TEX9: variants seen among roughly 807,000 people sequenced by gnomAD.
TEX9 encodes the protein testis-expressed protein 9.
A neutral mutation model predicts 59.6 loss-of-function variants in TEX9; 74 were observed. That is an observed-to-expected ratio of 1.24 (90% CI 1.03 to 1.51). TEX9 has a LOEUF of 1.51. TEX9 is among the 40% of genes most tolerant of loss of function. The pLI is 0.00. For missense variants in TEX9, 522 were observed against 447.8 expected (o/e 1.17, Z -1.49); for synonymous variants, 186 against 152.2 (o/e 1.22, Z -1.64).
intron 1 of TEX9, among the ~76,000 whole-genome samples, chr15:56,315,887 T>A (rs1447169082): frequency 6.6e-6 from 1 of 150,750 alleles, no homozygotes; most frequent in Non-Finnish European, 1.5e-5. Flanking sequence ...CCTTCTAGCT[T>A]CATTTTATTC....
intron 12 of TEX9, chr15:56,428,578 C>T: frequency 3.3e-6 from 2 of 607,268 alleles, no homozygotes; most frequent in South Asian, 6.2e-5. Context: ...CAAAGAATTC[C>T]CTTTTTAGAT....
At chr15:56,451,525 C>G in the TEX9 span, among the ~76,000 whole-genome samples, 1 of 152,178 alleles carries the variant, frequency 6.6e-6, no homozygotes, top group Non-Finnish European at 1.5e-5. Context: ...GGAGGAGAGA[C>G]AGGAGCTGGG....
intron 6 of TEX9, among the ~76,000 whole-genome samples, chr15:56,389,705 T>A (rs561492519): frequency 1.7e-4 from 25 of 150,642 alleles, no homozygotes; most frequent in African/African-American, 5.1e-4. Flanking sequence ...GTTTTTTTTT[T>A]AATCTCTGCC....
Position 56,427,628 on chromosome 15 carries a change from A to AAAAATTG in TEX9, c.990_996dup (p.Val333AsnfsTer2), listed in dbSNP as rs761929974. ...AGGACATAGCAAATGAAGAACACAA[A>AAAAATTG]AAAATTGAAGTGTTAAAATCAGAAA... On this transcript the variant is annotated frameshift_variant, in exon 11 of 13. Coordinates refer to ENST00000352903, the Ensembl canonical transcript of TEX9. LOFTEE classifies it high-confidence loss of function. The AAAAATTG allele has an allele frequency of 1.3e-6, 2 of 1,542,434 alleles. No individual in the cohort carries two copies. The highest frequency in any genetic ancestry group is 4.7e-5 in the East Asian group (2 of 42,340).
chr15:56,433,536 T>G (rs1271055265), intron 12 of TEX9, among the ~76,000 whole-genome samples: 2 of 152,204 alleles, frequency 1.3e-5, no homozygotes, highest in Non-Finnish European at 2.9e-5. Flanking sequence ...TTCCGTATCC[T>G]TAACATCTCT....
At chr15:56,460,009 A>AAAAAAAAAAAAAAAATATATATATAT in the TEX9 span, among the ~76,000 whole-genome samples, 3 of 26,384 alleles carry the variant, frequency 1.1e-4, no homozygotes, top group South Asian at 1.5e-3. Context: ...AAAAAAAAAA[A>AAAAAAAAAAAAAAAATATATATATAT]ATACATATAT....
chr15:56,458,402 T>C, the TEX9 span, among the ~76,000 whole-genome samples: 1 of 152,196 alleles, frequency 6.6e-6, no homozygotes, highest in African/African-American at 2.4e-5. Context: ...ATCAGCCTCC[T>C]CCATTAGACT....
chr15:56,303,318 G>A (rs1456856678), intron 1 of TEX9, among the ~76,000 whole-genome samples: 1 of 152,090 alleles, frequency 6.6e-6, no homozygotes, highest in Non-Finnish European at 1.5e-5. Context: ...CACAAAACAC[G>A]TCTTTAAAAA....
chr15:56,360,437 A>G (rs1216922366), upstream of TEX9, among the ~76,000 whole-genome samples: 1 of 152,084 alleles, frequency 6.6e-6, no homozygotes, highest in Non-Finnish European at 1.5e-5. Context: ...GAGTTTTGGT[A>G]GTTTGTATCT....
At chr15:56,357,263 T>C (rs2046702236) in intron 1 of TEX9, among the ~76,000 whole-genome samples, 1 of 152,302 alleles carries the variant, frequency 6.6e-6, no homozygotes, top group Non-Finnish European at 1.5e-5. Flanking sequence ...CAAATTCTGC[T>C]AATTATTTTA....
intron 12 of TEX9, chr15:56,431,650 A>C (rs2050600157): frequency 1.8e-6 from 1 of 566,294 alleles, no homozygotes; most frequent in Admixed American, 3.9e-5. Flanking sequence ...TATTTTTAAA[A>C]TATATATTTT....
At position 56,389,228 on chromosome 15, in the gene TEX9, G is replaced by A. The variant is rs180670738; in HGVS notation, c.313-90G>A. On this transcript the variant is annotated intron_variant, in intron 5 of 12. Coordinates refer to ENST00000352903, the Ensembl canonical transcript of TEX9. ...GAAAATAGCAAATAGCAGTTTTTCTGTGTAGCAAAATTCTATGTGTTACAG... is the reference window on the plus strand; with the variant it reads ...GAAAATAGCAAATAGCAGTTTTTCTATGTAGCAAAATTCTATGTGTTACAG... 2.7e-4 allele frequency: 264 copies of A among 991,214 alleles called. 1 individual carries two copies. In the African/African-American group the frequency reaches 4.0e-3, roughly 15 times the overall value. The allele number at this position is 991,214 out of a possible 1,614,324, so 61.4% of individuals were successfully genotyped here.
At chr15:56,394,746 A>C in exon 9 of TEX9, 2 of 1,612,428 alleles carry the variant, frequency 1.2e-6, no homozygotes, top group Non-Finnish European at 1.7e-6. Flanking sequence ...AATATGCAAC[A>C]GTCTCAAGTA....
intron 1 of TEX9, among the ~76,000 whole-genome samples, chr15:56,280,779 A>G (rs1301275734): frequency 6.6e-6 from 1 of 152,244 alleles, no homozygotes; most frequent in Non-Finnish European, 1.5e-5. Flanking sequence ...AATCATTTAA[A>G]TTCTCAAGCC....
At chr15:56,316,984 A>G (rs1486553192) in intron 1 of TEX9, among the ~76,000 whole-genome samples, 2 of 152,184 alleles carry the variant, frequency 1.3e-5, no homozygotes, top group African/African-American at 4.8e-5. Context: ...TTCCCAAGTG[A>G]GGCAATGCCT....
At chr15:56,457,947 T>C in the TEX9 span, among the ~76,000 whole-genome samples, 418 of 152,294 alleles carry the variant, frequency 2.7e-3, 4 homozygotes, top group African/African-American at 9.6e-3. Context: ...TTATTCATAA[T>C]AGCCAATACC....
chr15:56,339,398 A>AAAAAAAAAAC (rs2046325947), intron 1 of TEX9, among the ~76,000 whole-genome samples: 1 of 64,058 alleles, frequency 1.6e-5, no homozygotes, highest in South Asian at 4.7e-4. Flanking sequence ...AAAAAAAAAA[A>AAAAAAAAAAC]AAAAAAAAAA....
chr15:56,422,314 G>A (rs2050019429), intron 10 of TEX9, among the ~76,000 whole-genome samples: 2 of 151,488 alleles, frequency 1.3e-5, no homozygotes. Context: ...TAATTGAGGT[G>A]CTTACACCAT....
At chr15:56,401,968 A>T (rs1272778776) in intron 9 of TEX9, among the ~76,000 whole-genome samples, 1 of 152,240 alleles carries the variant, frequency 6.6e-6, no homozygotes, top group Non-Finnish European at 1.5e-5. Flanking sequence ...AATCTCTGAG[A>T]CACATTTAAA....
Sources: allele counts gnomAD v4.1 joint callset (sites outside exome capture counted in the v4.1 genomes callset), GRCh38; gene constraint gnomAD v4.1.1; transcripts MANE v1.5; gene names NCBI Gene and HGNC (gene_info 2026-07-23, HGNC 2026-07-21).